Variants in MAPK14 observed in about 807,000 individuals in gnomAD.
The protein encoded by MAPK14 is CSAID-binding protein.
A neutral mutation model predicts 49.6 loss-of-function variants in MAPK14; 16 were observed. The observed-to-expected ratio is 0.32, with a 90% CI of 0.22 to 0.49. The LOEUF (loss-of-function observed/expected upper bound fraction) is 0.49. Among genes scored for constraint, MAPK14 ranks in the 20% least tolerant of loss-of-function variants. The pLI, the probability that MAPK14 is intolerant of heterozygous loss-of-function variation, is 0.99. For synonymous variants in MAPK14, 142 were observed against 158.0 expected, an observed-to-expected ratio of 0.90 and a Z score of 0.76; for missense variants, 200 against 441.2, an observed-to-expected ratio of 0.45 and a Z score of 4.90.
intron 8 of MAPK14, among the ~76,000 whole-genome samples, chr6:36,078,196 TCA>T (rs1764606169): frequency 6.6e-6 from 1 of 152,204 alleles, no homozygotes; most frequent in African/African-American, 2.4e-5. Context: ...TCTATTTCTC[TCA>T]GTTTCCTTAA....
At position 36,108,563 on chromosome 6, in the gene MAPK14, A is replaced by AG; in HGVS notation, c.*121dup. 1 of 848,344 alleles carries AG rather than the reference A, an allele frequency of 1.2e-6. No homozygotes were observed. The highest frequency in any genetic ancestry group is 1.9e-5 in the Admixed American group (1 of 53,334). The allele number at this position is 848,344 out of a possible 1,614,324, so 52.6% of individuals were successfully genotyped here. On this transcript the variant is annotated 3_prime_UTR_variant, in exon 12 of 12. Transcript: ENST00000229794. The stretch of plus-strand genomic sequence containing the variant: ...TTGCAGAGATTTCCTCCATGGTGGA[A>AG]GGGGGTGTGCGTGCGTGTGCGTGCG...
At chr6:36,077,236 C>G (rs935462312) in intron 8 of MAPK14, among the ~76,000 whole-genome samples, 3 of 152,150 alleles carry the variant, frequency 2.0e-5, no homozygotes, top group African/African-American at 7.2e-5. Context: ...TAGCTCCTTT[C>G]CTATCTGCGG....
the MAPK14 span, among the ~76,000 whole-genome samples, chr6:36,122,277 C>T: frequency 6.6e-6 from 1 of 152,228 alleles, no homozygotes; most frequent in Admixed American, 6.5e-5. Context: ...TGGAGGTGGC[C>T]TCCAGGGTGC....
the MAPK14 span, among the ~76,000 whole-genome samples, chr6:36,120,582 C>T: frequency 2.5e-4 from 38 of 152,208 alleles, no homozygotes; most frequent in South Asian, 6.2e-4. Flanking sequence ...ATGAGCAATG[C>T]GGTGATAAGT....
At chr6:36,063,016 CT>C (rs1410960026) in intron 3 of MAPK14, among the ~76,000 whole-genome samples, 1 of 152,106 alleles carries the variant, frequency 6.6e-6, no homozygotes, top group Non-Finnish European at 1.5e-5. Context: ...TCGGTTAGCA[CT>C]TTTAATTTAT....
intron 8 of MAPK14, among the ~76,000 whole-genome samples, chr6:36,077,782 C>G (rs1764591027): frequency 6.6e-6 from 1 of 152,120 alleles, no homozygotes; most frequent in Non-Finnish European, 1.5e-5. Flanking sequence ...TAGTTTAATA[C>G]CTGGTGTTTC....
chr6:36,079,522 G>C (rs115889671), intron 8 of MAPK14, among the ~76,000 whole-genome samples: 2,421 of 152,148 alleles, frequency 0.016, 59 homozygotes, highest in African/African-American at 0.056. Context: ...AAAAAATCTC[G>C]TAATGTTTTC....
the MAPK14 span, among the ~76,000 whole-genome samples, chr6:36,124,206 G>A: frequency 7.8e-6 from 1 of 127,986 alleles, no homozygotes; most frequent in African/African-American, 3.1e-5. Flanking sequence ...TTGAAATGCA[G>A]TTTCACTCTT....
chr6:36,086,876 C>T (rs951139723), intron 8 of MAPK14, among the ~76,000 whole-genome samples: 7 of 152,150 alleles, frequency 4.6e-5, no homozygotes, highest in African/African-American at 1.4e-4. Context: ...TGATGAACAT[C>T]GATGCAAAAA....
chr6:36,039,207 A>T (rs1022600300), intron 1 of MAPK14, among the ~76,000 whole-genome samples: 1 of 152,086 alleles, frequency 6.6e-6, no homozygotes, highest in Non-Finnish European at 1.5e-5. Context: ...TCCTCTTTTC[A>T]TCAGAGCTCC....
At chr6:36,043,623 A>G (rs188061080) in intron 1 of MAPK14, among the ~76,000 whole-genome samples, 4 of 152,262 alleles carry the variant, frequency 2.6e-5, no homozygotes, top group African/African-American at 9.6e-5. Context: ...AGGTAAAGAG[A>G]AAGTTCCAAG....
chr6:36,039,782 A>G (rs1044028891), intron 1 of MAPK14, among the ~76,000 whole-genome samples: 21 of 152,118 alleles, frequency 1.4e-4, no homozygotes, highest in African/African-American at 4.8e-4. Context: ...AGGTGGGCGG[A>G]TCACTTGAGG....
intron 1 of MAPK14, among the ~76,000 whole-genome samples, chr6:36,029,952 ATAT>A (rs1762475337): frequency 7.3e-6 from 1 of 136,180 alleles, no homozygotes; most frequent in South Asian, 2.2e-4. Flanking sequence ...CAGTATATAC[ATAT>A]TATATATATC....
intron 1 of MAPK14, among the ~76,000 whole-genome samples, chr6:36,029,907 A>T (rs533569129): frequency 1.3e-5 from 2 of 151,540 alleles, no homozygotes; most frequent in Admixed American, 6.6e-5. Flanking sequence ...AGGTATATAC[A>T]TTCAGTATAT....
At chr6:36,100,100 G>A in intron 9 of MAPK14, 9 of 876,060 alleles carry the variant, frequency 1.0e-5, no homozygotes, top group Non-Finnish European at 1.8e-5. Context: ...GTCTGTTTGG[G>A]GGTGGCTTTT....
At chr6:36,062,413 G>T (rs1763858288) in intron 3 of MAPK14, among the ~76,000 whole-genome samples, 1 of 152,114 alleles carries the variant, frequency 6.6e-6, no homozygotes, top group African/African-American at 2.4e-5. Context: ...TACACAATTG[G>T]GAGTGGTGGG....
chr6:36,100,994 C>T (rs1051855559), intron 9 of MAPK14, among the ~76,000 whole-genome samples: 5 of 152,168 alleles, frequency 3.3e-5, no homozygotes, highest in Non-Finnish European at 5.9e-5. Context: ...TCTCTCTTAC[C>T]TGTTTTCCCT....
intron 11 of MAPK14, 80 bp from the exon 12 acceptor site, chr6:36,108,300 T>G: frequency 4.4e-5 from 46 of 1,043,798 alleles, no homozygotes; most frequent in Non-Finnish European, 6.3e-5. Flanking sequence ...GGAAGGATCT[T>G]GAGCTTAGAA....
In MAPK14 at chr6:36,108,563, A is replaced by C; in HGVS notation, c.*116A>C. 1.2e-6 allele frequency: 1 copy of C among 848,344 alleles called. No homozygotes were observed. Among genetic ancestry groups the C allele is most frequent in the Non-Finnish European group, 2.0e-6 (1 of 498,742 alleles). The allele number at this position is 848,344 out of a possible 1,614,324, so 52.6% of individuals were successfully genotyped here. On this transcript the variant is annotated 3_prime_UTR_variant, in exon 12 of 12. Transcript: ENST00000229794. ...TTGCAGAGATTTCCTCCATGGTGGA[A>C]GGGGGTGTGCGTGCGTGTGCGTGCG...
Sources: allele counts gnomAD v4.1 joint callset (sites outside exome capture counted in the v4.1 genomes callset), GRCh38; gene constraint gnomAD v4.1.1; transcripts MANE v1.5; gene names NCBI Gene and HGNC (gene_info 2026-07-23, HGNC 2026-07-21).